The following HMGXB3 variants were observed in gnomAD, a reference collection of about 807,000 sequenced individuals.
The protein encoded by HMGXB3 is HMG-box containing 3.
HMGXB3 carries 45 observed loss-of-function variants against 121.5 expected under a neutral mutation model. The observed-to-expected ratio is 0.37, with a 90% confidence interval of 0.29 to 0.47. HMGXB3 has a LOEUF of 0.47. HMGXB3 is among the 20% of genes least tolerant of loss of function. The probability of loss-of-function intolerance (pLI) is 0.99; values close to 1 mark genes in which losing one functional copy is unlikely to be tolerated. For missense variants in HMGXB3, 1,376 were observed against 1,602.2 expected, an observed-to-expected ratio of 0.86 and a Z score of 2.41; for synonymous variants, 590 against 624.1, an observed-to-expected ratio of 0.95 and a Z score of 0.81.
intron 9 of HMGXB3, among the ~76,000 whole-genome samples, chr5:150,028,559 A>ATATATT (rs1375655538): frequency 6.7e-4 from 26 of 38,898 alleles, no homozygotes; most frequent in Non-Finnish European, 1.1e-3. Context: ...ATATATATAT[A>ATATATT]TTTTTTTTTT....
At chr5:150,025,078 C>G (rs565189914) in intron 7 of HMGXB3, among the ~76,000 whole-genome samples, 1 of 152,310 alleles carries the variant, frequency 6.6e-6, no homozygotes, top group African/African-American at 2.4e-5. Context: ...CTGTTTCTGG[C>G]TTCTGTTTGA....
At chr5:150,026,983 GC>G (rs1756247364) in intron 8 of HMGXB3, 36 bp from the exon 9 acceptor site, 10 of 1,545,416 alleles carry the variant, frequency 6.5e-6, no homozygotes, top group Admixed American at 2.0e-5. Flanking sequence ...GACTCTGAAT[GC>G]ACTTAAGTCA....
chr5:150,026,634 A>G (rs1192672597), intron 7 of HMGXB3, 72 bp from the exon 8 acceptor site: 6 of 1,292,898 alleles, frequency 4.6e-6, no homozygotes, highest in Admixed American at 2.2e-5. Context: ...AGAAAGCACT[A>G]TGTAGAGATT....
intron 4 of HMGXB3, among the ~76,000 whole-genome samples, chr5:150,011,605 T>G (rs1338347970): frequency 1.5e-4 from 18 of 116,452 alleles, no homozygotes; most frequent in Non-Finnish European, 3.1e-4. Flanking sequence ...TTTTTTTTGG[T>G]TTTTTTTTTT....
chr5:150,042,435 G>T (rs191670204), intron 15 of HMGXB3, among the ~76,000 whole-genome samples: 1 of 152,188 alleles, frequency 6.6e-6, no homozygotes, highest in Non-Finnish European at 1.5e-5. Context: ...AGGGCAGTGA[G>T]GGGGGAAGGC....
intron 17 of HMGXB3, 80 bp downstream of exon 17, chr5:150,047,837 T>TA: frequency 6.9e-7 from 1 of 1,459,032 alleles, no homozygotes; most frequent in Admixed American, 2.0e-5. Flanking sequence ...GGGATATGAA[T>TA]ATCTGTGATG....
At chr5:150,049,874 C>T (rs1756849795) in intron 18 of HMGXB3, among the ~76,000 whole-genome samples, 1 of 152,336 alleles carries the variant, frequency 6.6e-6, no homozygotes, top group Non-Finnish European at 1.5e-5. Context: ...ACCTTAGTTT[C>T]TTAGGTTTGA....
chr5:150,014,456 C>T lies in HMGXB3; in HGVS notation c.909+2103C>T, dbSNP rs563741953. On this transcript the variant is annotated intron_variant, in intron 5 of 19. Coordinates refer to ENST00000502717, the MANE Select transcript of HMGXB3 (RefSeq NM_014983.3). ...AGCAGTGTATAAAAATACTTTTAAACGATACTTTCGATAGGTACAGTAGCA... is the reference window on the plus strand; with the variant it reads ...AGCAGTGTATAAAAATACTTTTAAATGATACTTTCGATAGGTACAGTAGCA... 1.4e-3 allele frequency among the ~76,000 whole-genome samples: 219 copies of T among 152,284 alleles called. 3 individuals carry two copies. In the Middle Eastern group the frequency reaches 0.041, roughly 28 times the overall value.
chr5:150,042,222 T>C (rs1395682831), intron 15 of HMGXB3, among the ~76,000 whole-genome samples: 1 of 152,190 alleles, frequency 6.6e-6, no homozygotes, highest in African/African-American at 2.4e-5. Flanking sequence ...ATAGTAAATA[T>C]ATTGAACATA....
intron 5 of HMGXB3, among the ~76,000 whole-genome samples, chr5:150,016,865 C>G (rs1032025534): frequency 6.6e-6 from 1 of 152,162 alleles, no homozygotes; most frequent in African/African-American, 2.4e-5. Context: ...GGCTTATTAG[C>G]TATTGACTTT....
intron 5 of HMGXB3, chr5:150,014,931 C>A: frequency 1.0e-6 from 1 of 966,168 alleles, no homozygotes; most frequent in South Asian, 2.4e-5. Context: ...TGATGGAGAT[C>A]ATATGAAATG....
chr5:150,003,975 C>A (rs1281857094), intron 1 of HMGXB3, among the ~76,000 whole-genome samples: 1 of 151,708 alleles, frequency 6.6e-6, no homozygotes, highest in African/African-American at 2.4e-5. Flanking sequence ...AACCCAAAAA[C>A]AAACCCTTTT....
At chr5:150,051,005 C>T (rs1466728919) in intron 19 of HMGXB3, among the ~76,000 whole-genome samples, 3 of 152,092 alleles carry the variant, frequency 2.0e-5, no homozygotes, top group Admixed American at 6.5e-5. Flanking sequence ...CCATGGATAA[C>T]ACTGTATGGC....
chr5:150,029,255 G>T (rs1756316341), intron 9 of HMGXB3, among the ~76,000 whole-genome samples: 1 of 150,172 alleles, frequency 6.7e-6, no homozygotes, highest in South Asian at 2.1e-4. Context: ...AAAATTTTCT[G>T]TGTGTCCAAA....
chr5:150,021,387 A>C (rs1318152426), intron 6 of HMGXB3, among the ~76,000 whole-genome samples: 1 of 152,234 alleles, frequency 6.6e-6, no homozygotes, highest in African/African-American at 2.4e-5. Flanking sequence ...TGCCTTTTCC[A>C]CTAAACCACA....
chr5:150,026,518 A>C (rs572125342), intron 7 of HMGXB3, among the ~76,000 whole-genome samples, 188 bp from the exon 8 acceptor site: 1 of 152,366 alleles, frequency 6.6e-6, no homozygotes, highest in South Asian at 2.1e-4. Flanking sequence ...ACTTGAAGTT[A>C]ACAGAAGAAT....
rs904765144 is a variant in HMGXB3 at position 150,047,771 on chromosome 5, G to T, written c.3084+14G>T. On this transcript the variant is annotated intron_variant, in intron 17 of 19. Coordinates refer to ENST00000502717, the MANE Select transcript of HMGXB3 (RefSeq NM_014983.3). ...GAAGACTCCAAGGTGAGTGTCAAGG[G>T]CAGTGGTGGATATCGGGGCTTCTGG... is the stretch of plus-strand genomic sequence containing the variant. The T allele has an allele frequency of 1.3e-6, 2 of 1,551,566 alleles. No individual in the cohort carries two copies. Among genetic ancestry groups the T allele is most frequent in the African/African-American group, 2.7e-5 (2 of 73,064 alleles).
chr5:150,046,528 T>C (rs1437321779), intron 16 of HMGXB3, among the ~76,000 whole-genome samples: 1 of 152,200 alleles, frequency 6.6e-6, no homozygotes, highest in Non-Finnish European at 1.5e-5. Context: ...TATTAGATAT[T>C]GAGGCTGGGC....
chr5:150,052,184 G>A lies in HMGXB3; in HGVS notation c.3871G>A (p.Ala1291Thr). The A allele has an allele frequency of 2.6e-6, 4 of 1,543,184 alleles. No individual in the cohort carries two copies. Among genetic ancestry groups the A allele is most frequent in the Non-Finnish European group, 2.6e-6 (3 of 1,142,708 alleles). The stretch of plus-strand genomic sequence containing the variant: ...TGAGGAAGAGGAGGTGGCCGCAGTG[G>A]CAGAATAAGCCAGGCTGTTGTACAG... ...EGEEEEVAAV[A>T]E The change falls in exon 20 of 20, where the codon GCA becomes ACA. Residue 1291 changes from alanine to threonine, a missense_variant. Around this residue, in one of 2 missense-constraint regions of HMGXB3, gnomAD observed 260 missense variants for 233.2 expected, o/e 1.11. Transcript: ENST00000502717.
Sources: allele counts gnomAD v4.1 joint callset (sites outside exome capture counted in the v4.1 genomes callset), GRCh38; gene constraint gnomAD v4.1.1; regional missense constraint gnomAD v4.1.1; transcripts MANE v1.5; gene names NCBI Gene and HGNC (gene_info 2026-07-23, HGNC 2026-07-21).